APBA2: variants seen among roughly 807,000 people sequenced by gnomAD.
APBA2 encodes the protein amyloid beta precursor protein binding family A member 2.
A neutral mutation model predicts 75.0 loss-of-function variants in APBA2; 30 were observed. The observed-to-expected ratio is 0.40, with a 90% CI of 0.30 to 0.54. The LOEUF is 0.54. APBA2 is among the 20% of genes least tolerant of loss of function. The pLI is 0.49. For synonymous variants in APBA2, 444 were observed against 409.6 expected (o/e 1.08, Z -1.01); for missense variants, 801 against 1,016.1 (o/e 0.79, Z 2.88).
chr15:28,918,496 AAGG>A lies in APBA2; in HGVS notation c.-204-3139_-204-3137del, dbSNP rs1386949589. Among the ~76,000 whole-genome samples the A allele has an allele frequency of 6.6e-6, 1 of 152,186 alleles. No homozygotes were observed. Among genetic ancestry groups the A allele is most frequent in the African/African-American group, 2.4e-5 (1 of 41,444 alleles). On this transcript the variant is annotated intron_variant, in intron 1 of 14. Coordinates refer to ENST00000683413, the MANE Select transcript of APBA2 (RefSeq NM_001353788.2). The surrounding 1 kb of genome is among the most constrained non-coding windows in gnomAD (Gnocchi z 4.2). ...TGAAGCAGATGGCTTCCCCCACTGC[AAGG>A]AGGAATCCCGGTGCTCTTCTCCACC...
At chr15:28,978,428 T>G (rs2037452727) in intron 2 of APBA2, among the ~76,000 whole-genome samples, 1 of 152,194 alleles carries the variant, frequency 6.6e-6, no homozygotes, top group South Asian at 2.1e-4. Context: ...GGGTGAGGCT[T>G]GCCCCAGGCC....
At chr15:28,924,280 A>G (rs1178841362) in intron 2 of APBA2, among the ~76,000 whole-genome samples, 1 of 152,108 alleles carries the variant, frequency 6.6e-6, no homozygotes, top group Non-Finnish European at 1.5e-5. Context: ...TTCATATAAC[A>G]TTAGCCATTA....
chr15:28,960,270 G>A (rs2152736537), intron 2 of APBA2, among the ~76,000 whole-genome samples: 1 of 151,704 alleles, frequency 6.6e-6, no homozygotes, highest in East Asian at 1.9e-4. Context: ...AAACCAGCCT[G>A]AGCAACACAG....
chr15:28,906,128 G>A (rs2033120111), intron 1 of APBA2, among the ~76,000 whole-genome samples: 1 of 151,998 alleles, frequency 6.6e-6, no homozygotes, highest in South Asian at 2.1e-4. Flanking sequence ...TTTGCAGTTC[G>A]ATCCCCCAGC....
intron 2 of APBA2, among the ~76,000 whole-genome samples, chr15:28,929,882 G>A (rs549500590): frequency 6.6e-6 from 1 of 152,238 alleles, no homozygotes; most frequent in Admixed American, 6.5e-5. Context: ...TCCGTCAAGG[G>A]GAGGGAGAAT....
intron 4 of APBA2, chr15:29,071,097 G>A (rs938980377): frequency 8.8e-6 from 4 of 456,466 alleles, no homozygotes; most frequent in Admixed American, 2.4e-5. Context: ...TGGCCTGAGC[G>A]GAGTGAGTGT....
chr15:28,903,838 G>T (rs186449572), intron 1 of APBA2, among the ~76,000 whole-genome samples: 1 of 151,948 alleles, frequency 6.6e-6, no homozygotes, highest in South Asian at 2.1e-4. Context: ...TCTGGAAGGC[G>T]GAAGACCTAC....
At chr15:29,021,410 G>A (rs2039949781) in intron 3 of APBA2, among the ~76,000 whole-genome samples, 1 of 151,768 alleles carries the variant, frequency 6.6e-6, no homozygotes, top group South Asian at 2.1e-4. Flanking sequence ...CGCCTGTAGT[G>A]CCAGCTACTC....
At chr15:28,938,244 T>C (rs2034990136) in intron 2 of APBA2, among the ~76,000 whole-genome samples, 1 of 152,212 alleles carries the variant, frequency 6.6e-6, no homozygotes, top group African/African-American at 2.4e-5. Flanking sequence ...CTCTACTCTT[T>C]AAGTAGCTAG....
intron 3 of APBA2, among the ~76,000 whole-genome samples, chr15:29,014,198 C>T (rs907238422): frequency 5.9e-5 from 9 of 152,202 alleles, no homozygotes; most frequent in East Asian, 3.8e-4. Flanking sequence ...CATCTCACTT[C>T]GCTGCATGCA....
intron 4 of APBA2, among the ~76,000 whole-genome samples, chr15:29,072,520 G>A (rs1371557030): frequency 6.6e-6 from 1 of 152,134 alleles, no homozygotes; most frequent in Non-Finnish European, 1.5e-5. Context: ...AGGGATGGGT[G>A]AGGGGAAGAA....
chr15:29,101,777 C>T lies in APBA2; in HGVS notation c.1517C>T (p.Ser506Leu), dbSNP rs770032885. ...QYKMICHVFE[S>L]EDAQLIAQSI... Reference sequence around the variant, plus strand: ...AAGATGATCTGCCATGTGTTCGAGTCGGAGGATGTAAGTAAGCCCTTGCCA... The same window carrying T: ...AAGATGATCTGCCATGTGTTCGAGTTGGAGGATGTAAGTAAGCCCTTGCCA... Residue 506 changes from serine (S) to leucine (L), a missense_variant, in exon 10 of 15, where the codon TCG becomes TTG. Ser to Leu is a moderately radical substitution (Grantham distance 145). This residue lies in a region of APBA2 where 367 missense variants were observed against 544.5 expected (regional missense o/e 0.67). Coordinates refer to ENST00000683413, the MANE Select transcript of APBA2 (RefSeq NM_001353788.2). The T allele has an allele frequency of 6.2e-6, 10 of 1,613,128 alleles. No homozygotes were observed. The highest frequency in any genetic ancestry group is 1.7e-5 in the Admixed American group (1 of 59,960).
At chr15:29,003,270 C>T (rs2038944476) in intron 3 of APBA2, among the ~76,000 whole-genome samples, 1 of 152,172 alleles carries the variant, frequency 6.6e-6, no homozygotes, top group African/African-American at 2.4e-5. Context: ...GTTTTCATGG[C>T]ATGAAGGTTG....
chr15:28,971,301 A>G (rs946492113), intron 2 of APBA2, among the ~76,000 whole-genome samples: 1 of 152,138 alleles, frequency 6.6e-6, no homozygotes, highest in Non-Finnish European at 1.5e-5. Context: ...CCTGAAAAAC[A>G]TACAGTTAAT....
chr15:28,906,145 T>C (rs924036873), intron 1 of APBA2, among the ~76,000 whole-genome samples: 1 of 152,210 alleles, frequency 6.6e-6, no homozygotes, highest in Non-Finnish European at 1.5e-5. Context: ...CAGCCGTGTG[T>C]CTTAGCCATG....
intron 12 of APBA2, 29 bp downstream of exon 12, chr15:29,106,848 G>T (rs373539280): frequency 1.9e-6 from 3 of 1,602,124 alleles, no homozygotes; most frequent in African/African-American, 2.7e-5. Flanking sequence ...TCCGCCCAGG[G>T]GTCACCTCAA....
At chr15:29,061,562 T>C (rs1055934815) in intron 4 of APBA2, among the ~76,000 whole-genome samples, 2 of 152,246 alleles carry the variant, frequency 1.3e-5, no homozygotes, top group African/African-American at 4.8e-5. Context: ...GCCAACTTAA[T>C]ACAAGTTAAA....
chr15:28,895,992 G>C (rs957781098), intron 1 of APBA2, among the ~76,000 whole-genome samples: 1 of 152,050 alleles, frequency 6.6e-6, no homozygotes, highest in Non-Finnish European at 1.5e-5. Flanking sequence ...TCACGTGTGT[G>C]GTCCTAGCTA....
chr15:29,054,180 A>G lies in APBA2; in HGVS notation c.296A>G (p.Tyr99Cys), dbSNP rs558299382. 2.5e-6 allele frequency: 4 copies of G among 1,614,166 alleles called. No individual in the cohort carries two copies. The highest frequency in any genetic ancestry group is 2.2e-5 in the East Asian group (1 of 44,870). Residue 99 changes from tyrosine (Y) to cysteine (C), a missense_variant, in exon 4 of 15, where the codon TAC (tyrosine) becomes TGC (cysteine). By Grantham distance (194) the Tyr-to-Cys change is radical. Around this residue, in one of 2 missense-constraint regions of APBA2, gnomAD observed 434 missense variants for 471.6 expected, o/e 0.92. Transcript: ENST00000683413. This position sits in a 1 kb window ranked among gnomAD's most constrained non-coding sequence, Gnocchi z 6.1. The stretch of plus-strand genomic sequence containing the variant: ...CCTGAGGAGGAGGAGGGCATCACCT[A>G]CTACATCCGCTACTGCCCTGAGGAC... Reference protein sequence around the residue: ...GLPEEEEGITYYIRYCPEDDS... With the variant: ...GLPEEEEGITCYIRYCPEDDS...
Sources: allele counts gnomAD v4.1 joint callset (sites outside exome capture counted in the v4.1 genomes callset), GRCh38; gene constraint gnomAD v4.1.1; regional missense constraint gnomAD v4.1.1; non-coding constraint Gnocchi (gnomAD v3.1); transcripts MANE v1.5; gene names NCBI Gene and HGNC (gene_info 2026-07-23, HGNC 2026-07-21).